PRPF4: variants seen among roughly 807,000 people sequenced by gnomAD.
PRPF4 encodes the protein U4/U6 small nuclear ribonucleoprotein Prp4.
PRPF4 carries 14 observed loss-of-function variants against 72.2 expected under a neutral mutation model. That is an observed-to-expected ratio of 0.19 (90% CI 0.13 to 0.30). The LOEUF is 0.30. Ranked by LOEUF, PRPF4 falls within the 10% of genes least tolerant of loss-of-function variation. PRPF4 has a pLI of 1.00. For synonymous variants in PRPF4, 225 were observed against 232.2 expected (o/e 0.97, Z 0.28); for missense variants, 478 against 653.9 (o/e 0.73, Z 2.93).
At chr9:113,281,581 C>T (rs1279739933) in intron 3 of PRPF4, among the ~76,000 whole-genome samples, 1 of 152,148 alleles carries the variant, frequency 6.6e-6, no homozygotes, top group Non-Finnish European at 1.5e-5. Context: ...TGACCTGGCT[C>T]CTCCTTGCAT....
At chr9:113,286,884 G>T in intron 9 of PRPF4, 56 bp downstream of exon 9, 1 of 1,611,850 alleles carries the variant, frequency 6.2e-7, no homozygotes, top group Admixed American at 1.7e-5. Context: ...ATGTTTGATT[G>T]GTTGGTCCCC....
chr9:113,280,660 A>G (rs968121958), intron 3 of PRPF4, among the ~76,000 whole-genome samples: 7 of 152,144 alleles, frequency 4.6e-5, no homozygotes, highest in African/African-American at 1.7e-4. Context: ...TTGTCTTCTC[A>G]TACTTGGAGT....
intron 7 of PRPF4, among the ~76,000 whole-genome samples, chr9:113,285,569 A>G (rs188988622): frequency 0.023 from 3,469 of 151,154 alleles, 54 homozygotes; most frequent in African/African-American, 0.036. Flanking sequence ...TAGTAGAGAC[A>G]GGGTTTCACC....
Position 113,275,682 on chromosome 9 carries a change from G to C in PRPF4, c.-62G>C, listed in dbSNP as rs1048147319. On this transcript the variant is annotated 5_prime_UTR_variant, in exon 1 of 14. Coordinates refer to ENST00000374198, the MANE Select transcript of PRPF4 (RefSeq NM_001244926.2). Reference sequence around the variant, plus strand: ...CGCACTTCCCCTCTGCTGGGCGCGCGGTGGACGGTCTGAAAGGGAGTGTTC... The same window carrying C: ...CGCACTTCCCCTCTGCTGGGCGCGCCGTGGACGGTCTGAAAGGGAGTGTTC... 17 of 1,570,468 alleles carry C rather than the reference G, an allele frequency of 1.1e-5. No individual in the cohort carries two copies. The highest frequency in any genetic ancestry group is 9.1e-5 in the Admixed American group (5 of 54,890).
chr9:113,291,584 T>C lies in PRPF4; in HGVS notation c.1490T>C (p.Leu497Pro). Reference protein sequence around the residue: ...LAGHEGKVMGLDISSDGQLIA... With the variant: ...LAGHEGKVMGPDISSDGQLIA... ...GGCCACGAAGGCAAAGTGATGGGCC[T>C]AGATATTTCTTCCGATGGGCAGCTC... The change falls in exon 14 of 14, where the codon CTA becomes CCA. Residue 497 changes from leucine (L) to proline (P), a missense_variant. Physicochemically the swap from Leu to Pro is moderately conservative, Grantham distance 98. Transcript: ENST00000374198. The C allele has an allele frequency of 2.5e-6, 4 of 1,614,200 alleles. No individual in the cohort carries two copies. The highest frequency in any genetic ancestry group is 3.4e-6 in the Non-Finnish European group (4 of 1,180,036).
chr9:113,291,708 G>A lies in PRPF4; in HGVS notation c.*48G>A. Reference sequence around the variant, plus strand: ...AACCTCAAGCTCTCTCTAAGGAGCTGTTTTCCTCAAACGAGAAGAATTGAA... The same window carrying A: ...AACCTCAAGCTCTCTCTAAGGAGCTATTTTCCTCAAACGAGAAGAATTGAA... On this transcript the variant is annotated 3_prime_UTR_variant, in exon 14 of 14. Coordinates refer to ENST00000374198, the MANE Select transcript of PRPF4 (RefSeq NM_001244926.2). The A allele has an allele frequency of 6.4e-7, 1 of 1,570,524 alleles. No homozygotes were observed. Among genetic ancestry groups the A allele is most frequent in the Non-Finnish European group, 8.7e-7 (1 of 1,145,712 alleles).
At position 113,275,692 on chromosome 9, in the gene PRPF4, C is replaced by T. The variant is rs550706483; in HGVS notation, c.-52C>T. The T allele has an allele frequency of 3.8e-6, 6 of 1,594,738 alleles. No individual in the cohort carries two copies. The highest frequency in any genetic ancestry group is 3.5e-5 in the Admixed American group (2 of 57,824). ...CTCTGCTGGGCGCGCGGTGGACGGTCTGAAAGGGAGTGTTCGGGTTTCGCT... is the reference window on the plus strand; with the variant it reads ...CTCTGCTGGGCGCGCGGTGGACGGTTTGAAAGGGAGTGTTCGGGTTTCGCT... On this transcript the variant is annotated 5_prime_UTR_variant, in exon 1 of 14. Transcript: ENST00000374198.
chr9:113,278,114 C>T (rs1195731414), intron 2 of PRPF4, among the ~76,000 whole-genome samples: 1 of 152,042 alleles, frequency 6.6e-6, no homozygotes, highest in Admixed American at 6.5e-5. Flanking sequence ...TAATTTTTTC[C>T]ATAAATGAAA....
At chr9:113,275,887 C>T in intron 1 of PRPF4, 117 bp downstream of exon 1, 1 of 1,391,934 alleles carries the variant, frequency 7.2e-7, no homozygotes, top group Admixed American at 2.2e-5. Flanking sequence ...AGGAGGAAGG[C>T]TGCGGGACTC....
At chr9:113,283,644 A>T (rs1300775135) in intron 6 of PRPF4, among the ~76,000 whole-genome samples, 162 bp downstream of exon 6, 1 of 152,216 alleles carries the variant, frequency 6.6e-6, no homozygotes, top group African/African-American at 2.4e-5. Flanking sequence ...TTAATGTGGC[A>T]GGAGCTTACT....
At chr9:113,290,395 T>C in intron 10 of PRPF4, 71 bp from the exon 11 acceptor site, 1 of 1,602,270 alleles carries the variant, frequency 6.2e-7, no homozygotes, top group Non-Finnish European at 8.5e-7. Flanking sequence ...TATAATGGCT[T>C]AGAATACTTT....
In PRPF4 at chr9:113,286,673, C is replaced by G. The variant is rs762761962; in HGVS notation, c.809-32C>G. 8.3e-5 allele frequency: 134 copies of G among 1,613,798 alleles called. No individual in the cohort carries two copies. The East Asian group carries it at 3.0e-3, about 36-fold the overall frequency. ...AACATGGGTTATAAAGAGGCAGGAA[C>G]CTTTTAACTTGCATCTCTTACACTC... On this transcript the variant is annotated intron_variant, in intron 8 of 13. Transcript: ENST00000374198.
chr9:113,282,804 T>G, intron 4 of PRPF4, 71 bp downstream of exon 4: 1 of 1,307,500 alleles, frequency 7.6e-7, no homozygotes, highest in Non-Finnish European at 1.1e-6. Context: ...GTTTTCTGCT[T>G]TCAATGGTTT....
Position 113,278,682 on chromosome 9 carries a change from G to A in PRPF4, c.206-263G>A, listed in dbSNP as rs188538810. ...AGATGTTCTGTACTCTTACTTGCTG[G>A]TCTCAGCCAAAGTGTGTGTTTATAT... On this transcript the variant is annotated intron_variant, in intron 2 of 13. Transcript: ENST00000374198. 2.3e-4 allele frequency among the ~76,000 whole-genome samples: 35 copies of A among 152,294 alleles called. 2 individuals are homozygous for A. In the Middle Eastern group the frequency reaches 0.02, roughly 89 times the overall value.
rs758147656 is a variant in PRPF4 at position 113,286,228 on chromosome 9, A to G, written c.750-4A>G. ...GCTGAGATGCTTTCCTTTGTATTTG[A>G]TAGGAGTGGGCTTTGCAAGCTCTGG... On this transcript the variant is annotated splice_region_variant and splice_polypyrimidine_tract_variant and intron_variant, in intron 7 of 13. Coordinates refer to ENST00000374198, the MANE Select transcript of PRPF4 (RefSeq NM_001244926.2). 1.8e-5 allele frequency: 29 copies of G among 1,613,988 alleles called. No homozygotes were observed. The highest frequency in any genetic ancestry group is 2.5e-5 in the Non-Finnish European group (29 of 1,179,940).
chr9:113,283,470 C>A lies in PRPF4; in HGVS notation c.642C>A (p.His214Gln). 6.2e-7 allele frequency: 1 copy of A among 1,614,064 alleles called. No homozygotes were observed. The highest frequency in any genetic ancestry group is 8.5e-7 in the Non-Finnish European group (1 of 1,179,984). The change falls in exon 6 of 14, where the codon CAC becomes CAA. Residue 214 changes from histidine (H) to glutamine (Q), a missense_variant. By Grantham distance (24) the His-to-Gln change is conservative. Transcript: ENST00000374198. Reference protein sequence around the residue: ...TTRTSQMQELHKSLRSLNNFC... With the variant: ...TTRTSQMQELQKSLRSLNNFC... ...GGACCTCCCAGATGCAAGAGCTGCACAAGTCTCTCCGGGTAAGATGCTCCC... is the reference window on the plus strand; with the variant it reads ...GGACCTCCCAGATGCAAGAGCTGCAAAAGTCTCTCCGGGTAAGATGCTCCC...
chr9:113,286,063 A>G (rs1159510141), intron 7 of PRPF4, 169 bp from the exon 8 acceptor site: 1 of 208,794 alleles, frequency 4.8e-6, no homozygotes, highest in Non-Finnish European at 8.3e-6. Context: ...TGTGGGCTGG[A>G]GGTAGCTTTT....
Position 113,290,468 on chromosome 9 carries a change from A to G in PRPF4, c.1025A>G (p.Tyr342Cys). ...TTGTTAGTGTGATTTGGTTTTAGCT[A>G]TGACCGTTCATGGCGCTTATGGGAT... Reference protein sequence around the residue: ...PSGRFLGTTCYDRSWRLWDLE... With the variant: ...PSGRFLGTTCCDRSWRLWDLE... Residue 342 changes from tyrosine (Y) to cysteine (C), a missense_variant and splice_region_variant, in exon 11 of 14, where the codon TAT becomes TGT. Physicochemically the swap from Tyr to Cys is radical, Grantham distance 194. Transcript: ENST00000374198. 5.6e-6 allele frequency: 9 copies of G among 1,614,192 alleles called. No homozygotes were observed. The highest frequency in any genetic ancestry group is 7.6e-6 in the Non-Finnish European group (9 of 1,180,030).
chr9:113,277,163 C>T (rs1832134087), intron 2 of PRPF4, among the ~76,000 whole-genome samples: 1 of 152,068 alleles, frequency 6.6e-6, no homozygotes, highest in South Asian at 2.1e-4. Flanking sequence ...TGCCTACCCC[C>T]TTATTATCAT....
Sources: allele counts gnomAD v4.1 joint callset (sites outside exome capture counted in the v4.1 genomes callset), GRCh38; gene constraint gnomAD v4.1.1; transcripts MANE v1.5; gene names NCBI Gene and HGNC (gene_info 2026-07-23, HGNC 2026-07-21).